HEATR5B: variants seen among roughly 807,000 people sequenced by gnomAD.
HEATR5B encodes HEAT repeat containing 5B, also known as HEAT repeat-containing protein 5B.
HEATR5B carries 156 observed loss-of-function variants against 224.1 expected under a neutral mutation model. The observed-to-expected ratio is 0.70, with a 90% CI of 0.61 to 0.80. HEATR5B has a LOEUF of 0.80. HEATR5B is among the 30% of genes least tolerant of loss of function. The probability of loss-of-function intolerance (pLI) is 0.00; values close to 1 mark genes in which losing one functional copy is unlikely to be tolerated. For synonymous variants in HEATR5B, 1,027 were observed against 893.0 expected (o/e 1.15, Z -2.68); for missense variants, 2,323 against 2,535.5 (o/e 0.92, Z 1.80).
In HEATR5B at chr2:37,000,792, G is replaced by A. The variant is rs1245583195; in HGVS notation, c.5339C>T (p.Thr1780Ile). ...SPAGCMTILPTILFLIARILK... is the reference protein window; with the variant it reads ...SPAGCMTILPIILFLIARILK... Reference sequence around the variant, plus strand: ...TATTCTTGCAATTAAGAACAGAATTGTGGGCAGGATTGTCATACATCCTGA... The same window carrying A: ...TATTCTTGCAATTAAGAACAGAATTATGGGCAGGATTGTCATACATCCTGA... Residue 1780 changes from threonine to isoleucine, a missense_variant, in exon 33 of 36, where the codon ACA becomes ATA. Coordinates refer to ENST00000233099, the MANE Select transcript of HEATR5B (RefSeq NM_019024.3). The A allele has an allele frequency of 6.2e-7, 1 of 1,613,460 alleles. No homozygotes were observed. The highest frequency in any genetic ancestry group is 8.5e-7 in the Non-Finnish European group (1 of 1,179,412).
At position 37,002,456 on chromosome 2, in the gene HEATR5B, A is replaced by G. The variant is rs772715651; in HGVS notation, c.5167T>C (p.Leu1723=). The G allele has an allele frequency of 6.2e-7, 1 of 1,614,242 alleles. No homozygotes were observed. The highest frequency in any genetic ancestry group is 2.2e-5 in the East Asian group (1 of 44,890). ...FATMELLMFI[L]VRHMPHLSTK... is the part of the protein sequence containing the mutation. ...CTGAGATGTGGCATATGCCGTACTAAAATGAACATCAGCAGCTCCATAGTT... is the reference window on the plus strand; with the variant it reads ...CTGAGATGTGGCATATGCCGTACTAGAATGAACATCAGCAGCTCCATAGTT... Residue 1723 remains leucine (L), a synonymous_variant, in exon 32 of 36, where the codon TTA becomes CTA. Transcript: ENST00000233099.
chr2:37,041,472 T>G (rs1315606962), intron 18 of HEATR5B, among the ~76,000 whole-genome samples, 180 bp from the exon 19 acceptor site: 1 of 152,130 alleles, frequency 6.6e-6, no homozygotes, highest in Non-Finnish European at 1.5e-5. Flanking sequence ...TACAGCTGGG[T>G]GTCATGGCTC....
chr2:37,028,639 A>T, intron 23 of HEATR5B, 42 bp downstream of exon 23: 1 of 1,576,530 alleles, frequency 6.3e-7, no homozygotes, highest in Non-Finnish European at 8.7e-7. Context: ...ATCAGAAGTA[A>T]AACAATTTCC....
intron 21 of HEATR5B, among the ~76,000 whole-genome samples, chr2:37,034,600 G>T (rs1413208404): frequency 9.1e-6 from 1 of 109,544 alleles, no homozygotes; most frequent in Admixed American, 1.2e-4. Flanking sequence ...GCGACACAGC[G>T]AGACTCTGTC....
chr2:37,060,615 C>A lies in HEATR5B; in HGVS notation c.1815G>T (p.Gln605His). Residue 605 changes from glutamine to histidine, a missense_variant, in exon 12 of 36, where the codon CAG becomes CAT. Around this residue, in one of 12 missense-constraint regions of HEATR5B, gnomAD observed 502 missense variants for 517.8 expected, o/e 0.97. Transcript: ENST00000233099. Reference sequence around the variant, plus strand: ...CTCCAGCACGACCTTCCAAAGTTACCTGCCAGGTAAAAGAATCGCCTCGGG... The same window carrying A: ...CTCCAGCACGACCTTCCAAAGTTACATGCCAGGTAAAAGAATCGCCTCGGG... ...EKARGDSFTW[Q>H]VTLEGRAGAL... 1.9e-6 allele frequency: 3 copies of A among 1,613,828 alleles called. No individual in the cohort carries two copies. The highest frequency in any genetic ancestry group is 2.5e-6 in the Non-Finnish European group (3 of 1,179,802).
intron 5 of HEATR5B, among the ~76,000 whole-genome samples, chr2:37,074,702 T>A (rs541173697): frequency 2.7e-4 from 41 of 152,288 alleles, no homozygotes; most frequent in African/African-American, 9.4e-4. Flanking sequence ...CAAAAGTCAA[T>A]AATTATAAAA....
At position 37,032,768 on chromosome 2, in the gene HEATR5B, GT is replaced by G. The variant is rs1669213131; in HGVS notation, c.3221del (p.His1074ProfsTer33). 6.2e-7 allele frequency: 1 copy of G among 1,611,418 alleles called. No individual in the cohort carries two copies. The highest frequency in any genetic ancestry group is 1.3e-5 in the African/African-American group (1 of 74,786). Reference protein sequence around the residue: ...LSSLVPSLCVHLCSSHLLLRR... With the variant: ...LSSLVPSLCVXLCSSHLLLRR... ...GAAGTAACAAATGGGAACTACATAA[GT>G]GAACCTGTAAATCATAACAATGTTA... On this transcript the variant is annotated frameshift_variant, in exon 22 of 36. Transcript: ENST00000233099. LOFTEE classifies it high-confidence loss of function.
At chr2:37,045,109 G>C (rs1201142366) in intron 18 of HEATR5B, among the ~76,000 whole-genome samples, 1 of 151,862 alleles carries the variant, frequency 6.6e-6, no homozygotes, top group Non-Finnish European at 1.5e-5. Flanking sequence ...TCATGCTCAG[G>C]TTTTCCTGTA....
rs1294248620 is a variant in HEATR5B, at chr2:37,008,698, T to C, written c.4435A>G (p.Thr1479Ala). Residue 1479 changes from threonine (T) to alanine (A), a missense_variant, in exon 28 of 36, where the codon ACA (threonine) becomes GCA (alanine). Coordinates refer to ENST00000233099, the MANE Select transcript of HEATR5B (RefSeq NM_019024.3). ...GCTGCTAACCACAGGCGACTGAGTGTTGGTAGTTCAGGTTGTACCAGTGTT... is the reference window on the plus strand; with the variant it reads ...GCTGCTAACCACAGGCGACTGAGTGCTGGTAGTTCAGGTTGTACCAGTGTT... ...LITLVQPELP[T>A]LSRLWLAALK... 1.2e-6 allele frequency: 2 copies of C among 1,614,164 alleles called. No homozygotes were observed. The highest frequency in any genetic ancestry group is 1.7e-6 in the Non-Finnish European group (2 of 1,180,022).
Position 37,075,556 on chromosome 2 carries a change from G to T in HEATR5B, c.526C>A (p.Arg176Ser). 1 of 1,613,606 alleles carries T rather than the reference G, an allele frequency of 6.2e-7. No individual in the cohort carries two copies. The highest frequency in any genetic ancestry group is 8.5e-7 in the Non-Finnish European group (1 of 1,179,578). ...GACCTGGCATTCTTGTAAATATCAC[G>T]ATGGGAGGAAGCTGCTGCACCACCC... ...GLGGAAASSH[R>S]DIYKNARSLL... The change falls in exon 5 of 36, where the codon CGT becomes AGT. Residue 176 changes from arginine to serine, a missense_variant. Arg to Ser is a moderately radical substitution (Grantham distance 110). Coordinates refer to ENST00000233099, the MANE Select transcript of HEATR5B (RefSeq NM_019024.3).
At chr2:37,002,623 A>G in intron 31 of HEATR5B, 51 bp from the exon 32 acceptor site, 1 of 1,565,574 alleles carries the variant, frequency 6.4e-7, no homozygotes, top group Non-Finnish European at 8.7e-7. Flanking sequence ...AAAGTATGTA[A>G]AACAACACAA....
At chr2:37,024,350 T>A (rs543410922) in intron 24 of HEATR5B, among the ~76,000 whole-genome samples, 2 of 152,318 alleles carry the variant, frequency 1.3e-5, no homozygotes, top group East Asian at 3.9e-4. Context: ...TTAATGACAA[T>A]ACACTGTATT....
intron 18 of HEATR5B, among the ~76,000 whole-genome samples, chr2:37,046,994 G>A (rs1161923044): frequency 1.5e-5 from 2 of 130,704 alleles, no homozygotes; most frequent in African/African-American, 3.1e-5. Context: ...AGGTTGCAGT[G>A]AGCCAAGATT....
chr2:37,074,256 G>C (rs1329484261), intron 5 of HEATR5B, among the ~76,000 whole-genome samples: 1 of 150,540 alleles, frequency 6.6e-6, no homozygotes, highest in African/African-American at 2.4e-5. Context: ...CCGGGAGGCG[G>C]AGTTTGCAGT....
intron 27 of HEATR5B, among the ~76,000 whole-genome samples, chr2:37,012,810 T>A (rs1379679587): frequency 2.6e-5 from 4 of 152,194 alleles, no homozygotes; most frequent in African/African-American, 7.2e-5. Context: ...TACCTCCTCC[T>A]ATCCTCCATG....
intron 29 of HEATR5B, among the ~76,000 whole-genome samples, chr2:37,006,037 G>A (rs1667394274): frequency 6.6e-6 from 1 of 152,062 alleles, no homozygotes; most frequent in Admixed American, 6.5e-5. Flanking sequence ...TTATTTCTAG[G>A]ACTTTTAAAA....
intron 31 of HEATR5B, among the ~76,000 whole-genome samples, chr2:37,002,835 G>A (rs1340400065): frequency 1.3e-5 from 2 of 152,082 alleles, no homozygotes; most frequent in African/African-American, 4.8e-5. Flanking sequence ...AATAACACAT[G>A]TTAGGTTGAA....
rs1294111040 is a variant in HEATR5B, at chr2:37,005,701, T to A, written c.4836A>T (p.Thr1612=). The change falls in exon 30 of 36, where the codon ACA becomes ACT. Residue 1612 remains threonine, a synonymous_variant. Coordinates refer to ENST00000233099, the MANE Select transcript of HEATR5B (RefSeq NM_019024.3). ...AGGTATGTAAGGCCTGCAGGCATGC[T>A]GTAACATGTTCAATGGGCTCCTCAG... ...PRPEEPIEHV[T]ACLQALHTLL... 1.9e-6 allele frequency: 3 copies of A among 1,611,724 alleles called. No individual in the cohort carries two copies. In the East Asian group the frequency reaches 6.7e-5, roughly 36 times the overall value.
intron 30 of HEATR5B, among the ~76,000 whole-genome samples, chr2:37,005,335 C>G (rs1272521329): frequency 6.6e-6 from 1 of 152,168 alleles, no homozygotes; most frequent in East Asian, 1.9e-4. Flanking sequence ...CAACATCGGG[C>G]TCCTCCTCTC....
Sources: gnomAD v4.1 joint callset for allele counts (sites outside exome capture counted in the v4.1 genomes callset) on GRCh38, gnomAD v4.1.1 for gene constraint, gnomAD v4.1.1 regional missense constraint, MANE v1.5 for transcripts, NCBI Gene and HGNC (gene_info 2026-07-23, HGNC 2026-07-21) for gene names.